DCDC2: variants seen among roughly 807,000 people sequenced by gnomAD.
The protein encoded by DCDC2 is doublecortin domain-containing protein 2.
Under a neutral mutation model 50.2 loss-of-function variants are expected in DCDC2, and 40 were observed. The ratio of observed to expected loss-of-function variants is 0.80; its 90% CI spans 0.62 to 1.04. DCDC2 has a LOEUF of 1.04. Among genes scored for constraint, DCDC2 ranks in the 50% least tolerant of loss-of-function variants. DCDC2 has a pLI of 0.00. For synonymous variants in DCDC2, 234 were observed against 210.6 expected (o/e 1.11, Z -0.96); for missense variants, 570 against 581.9 (o/e 0.98, Z 0.21).
rs9467102 is a variant in DCDC2 at position 24,291,188 on chromosome 6, A to G, written c.558-110T>C. 3,148 of 1,088,854 alleles carry G rather than the reference A, an allele frequency of 2.9e-3. 71 individuals carry two copies. In the African/African-American group the frequency reaches 0.042, roughly 15 times the overall value. 67.4% of individuals were successfully genotyped at this position (1,088,854 alleles called of 1,614,324 possible). On this transcript the variant is annotated intron_variant, in intron 4 of 9. Coordinates refer to ENST00000378454, the MANE Select transcript of DCDC2 (RefSeq NM_016356.5). Reference sequence around the variant, plus strand: ...AAAAAATTAAAATTACATAGTAAATAAAAACATTCTGTACTTAATTTAGCT... The same window carrying G: ...AAAAAATTAAAATTACATAGTAAATGAAAACATTCTGTACTTAATTTAGCT...
intron 7 of DCDC2, among the ~76,000 whole-genome samples, chr6:24,259,699 T>TC (rs767450107): frequency 3.9e-5 from 6 of 152,234 alleles, no homozygotes; most frequent in African/African-American, 7.2e-5. Context: ...CTTCTTTTTT[T>TC]CAAAATTCTA....
At chr6:24,323,548 G>A (rs1308248720) in intron 2 of DCDC2, among the ~76,000 whole-genome samples, 2 of 151,960 alleles carry the variant, frequency 1.3e-5, no homozygotes, top group Non-Finnish European at 2.9e-5. Flanking sequence ...CTGTAAGTTC[G>A]GCAACTTTTT....
At chr6:24,192,352 T>C (rs1229720283) in intron 8 of DCDC2, among the ~76,000 whole-genome samples, 1 of 152,012 alleles carries the variant, frequency 6.6e-6, no homozygotes, top group East Asian at 1.9e-4. Context: ...GCCAATGAAA[T>C]GGCCAAAACG....
At chr6:24,212,266 G>A (rs893314637) in intron 7 of DCDC2, among the ~76,000 whole-genome samples, 1 of 152,088 alleles carries the variant, frequency 6.6e-6, no homozygotes, top group Non-Finnish European at 1.5e-5. Flanking sequence ...GTTGGGAAGC[G>A]TTCTTCTGGA....
Position 24,178,492 on chromosome 6 carries a change from G to C in DCDC2, c.1164C>G (p.Val388=), listed in dbSNP as rs767129413. ...GREATDAPEQ[V]EEILDHSEQQ... ...GCTCACTGTGATCCAGAATCTCCTCGACTTGCTCAGGGGCATCTGTAGCCT... is the reference window on the plus strand; with the variant it reads ...GCTCACTGTGATCCAGAATCTCCTCCACTTGCTCAGGGGCATCTGTAGCCT... Residue 388 remains valine (V), a synonymous_variant, in exon 9 of 10, where the codon GTC becomes GTG. Transcript: ENST00000378454. 15 of 1,613,934 alleles carry C rather than the reference G, an allele frequency of 9.3e-6. No individual in the cohort carries two copies. The African/African-American group carries it at 1.2e-4, about 13-fold the overall frequency.
chr6:24,325,416 T>C (rs1759841411), intron 2 of DCDC2, among the ~76,000 whole-genome samples: 1 of 149,514 alleles, frequency 6.7e-6, no homozygotes, highest in Non-Finnish European at 1.5e-5. Context: ...AACCTAGATC[T>C]TGGCTCCCAC....
At chr6:24,226,360 C>T (rs1762234103) in intron 7 of DCDC2, among the ~76,000 whole-genome samples, 1 of 152,164 alleles carries the variant, frequency 6.6e-6, no homozygotes, top group African/African-American at 2.4e-5. Context: ...TCTAAGGGCT[C>T]AATGAAGTTT....
rs563387109 is a variant in DCDC2, at chr6:24,265,361, T to A, written c.922+12688A>T. ...CCCACTTTCATTATTGGACATATCA[T>A]CCAGACAGAAAATTAACAAAGAAAC... On this transcript the variant is annotated intron_variant, in intron 7 of 9. Transcript: ENST00000378454. Among the ~76,000 whole-genome samples, 7 of 152,200 alleles carry A rather than the reference T, an allele frequency of 4.6e-5. No homozygotes were observed. The East Asian group carries it at 1.4e-3, about 29-fold the overall frequency.
chr6:24,240,255 T>C (rs1221311558), intron 7 of DCDC2, among the ~76,000 whole-genome samples: 1 of 152,184 alleles, frequency 6.6e-6, no homozygotes, highest in African/African-American at 2.4e-5. Context: ...CCCTAAAAAT[T>C]AATTATCATC....
Position 24,178,616 on chromosome 6 carries a change from A to T in DCDC2, c.1040T>A (p.Val347Glu). 5.0e-6 allele frequency: 8 copies of T among 1,612,986 alleles called. 1 individual carries two copies. In the South Asian group the frequency reaches 7.7e-5, roughly 16 times the overall value. The change falls in exon 9 of 10, where the codon GTA becomes GAA. Residue 347 changes from valine (V) to glutamate (E), a missense_variant. Physicochemically the swap from Val to Glu is moderately radical, Grantham distance 121 (BLOSUM62 -2). Transcript: ENST00000378454. Reference sequence around the variant, plus strand: ...CTTCTCTCCATCTTCTTCCTCGTCTACTATTTCTGCTGGCCTCTGATGGAT... The same window carrying T: ...CTTCTCTCCATCTTCTTCCTCGTCTTCTATTTCTGCTGGCCTCTGATGGAT... The part of the protein sequence containing the change: ...VPVDQRPAEI[V>E]DEEEDGEKAN...
chr6:24,264,365 G>T (rs945161799), intron 7 of DCDC2, among the ~76,000 whole-genome samples: 3 of 151,984 alleles, frequency 2.0e-5, no homozygotes, highest in Admixed American at 6.6e-5. Context: ...TGTGTAAACT[G>T]GTAATATCTT....
chr6:24,244,134 C>T (rs941673705), intron 7 of DCDC2, among the ~76,000 whole-genome samples: 11 of 152,084 alleles, frequency 7.2e-5, no homozygotes, highest in African/African-American at 2.7e-4. Context: ...TTGCCATGAA[C>T]AGAAAATTCT....
chr6:24,270,806 T>C (rs1763220393), intron 7 of DCDC2, among the ~76,000 whole-genome samples: 1 of 152,150 alleles, frequency 6.6e-6, no homozygotes, highest in Admixed American at 6.5e-5. Context: ...CAGGATGAAA[T>C]GCTCAGAGTG....
chr6:24,211,794 G>C (rs975682896), intron 7 of DCDC2, among the ~76,000 whole-genome samples: 1 of 152,140 alleles, frequency 6.6e-6, no homozygotes, highest in African/African-American at 2.4e-5. Flanking sequence ...AACCCAGTAA[G>C]GCCCATTTTG....
At chr6:24,189,710 A>G (rs1761274205) in intron 8 of DCDC2, among the ~76,000 whole-genome samples, 1 of 152,172 alleles carries the variant, frequency 6.6e-6, no homozygotes. Context: ...ATTGCCACCC[A>G]TTAGTTCTCT....
intron 8 of DCDC2, among the ~76,000 whole-genome samples, chr6:24,202,539 A>G (rs1040422260): frequency 3.3e-5 from 5 of 152,252 alleles, no homozygotes; most frequent in African/African-American, 1.2e-4. Flanking sequence ...CTGAATGGGC[A>G]AAAGCTGGAA....
chr6:24,302,093 T>C (rs1759389321), intron 2 of DCDC2, 49 bp from the exon 3 acceptor site: 1 of 1,458,846 alleles, frequency 6.9e-7, no homozygotes, highest in African/African-American at 1.4e-5. Context: ...TTATATTAGC[T>C]TTTTTTTTCC....
At chr6:24,223,479 T>C (rs1268908743) in intron 7 of DCDC2, among the ~76,000 whole-genome samples, 2 of 152,212 alleles carry the variant, frequency 1.3e-5, no homozygotes, top group Admixed American at 1.3e-4. Flanking sequence ...AGTTTATCTA[T>C]TTTGTGAGAC....
intron 8 of DCDC2, among the ~76,000 whole-genome samples, chr6:24,204,140 T>A (rs1188422550): frequency 6.6e-6 from 1 of 152,156 alleles, no homozygotes; most frequent in African/African-American, 2.4e-5. Flanking sequence ...TTACTGGGTA[T>A]ATACCTGAAG....
Sources: allele counts gnomAD v4.1 joint callset (sites outside exome capture counted in the v4.1 genomes callset), GRCh38; gene constraint gnomAD v4.1.1; transcripts MANE v1.5; gene names NCBI Gene and HGNC (gene_info 2026-07-23, HGNC 2026-07-21).